RIMS1: variants seen among roughly 807,000 people sequenced by gnomAD.
RIMS1 encodes the protein regulating synaptic membrane exocytosis protein 1.
A neutral mutation model predicts 214.1 loss-of-function variants in RIMS1; 83 were observed. The observed-to-expected ratio is 0.39, with a 90% confidence interval of 0.32 to 0.47. The LOEUF (loss-of-function observed/expected upper bound fraction) is 0.47. Among genes scored for constraint, RIMS1 ranks in the 20% least tolerant of loss-of-function variants. The probability of loss-of-function intolerance (pLI) is 0.99; values close to 1 mark genes in which losing one functional copy is unlikely to be tolerated. For synonymous variants in RIMS1, 793 were observed against 786.8 expected, an observed-to-expected ratio of 1.01 and a Z score of -0.13; for missense variants, 2,050 against 2,161.8, an observed-to-expected ratio of 0.95 and a Z score of 1.03.
At chr6:72,394,448 A>G (rs184485023) in intron 31 of RIMS1, among the ~76,000 whole-genome samples, 1 of 152,268 alleles carries the variant, frequency 6.6e-6, no homozygotes, top group Admixed American at 6.5e-5. Flanking sequence ...AGAAATTGTC[A>G]AGTATGTAGT....
At chr6:72,066,947 C>A (rs2152280287) in intron 2 of RIMS1, among the ~76,000 whole-genome samples, 1 of 152,254 alleles carries the variant, frequency 6.6e-6, no homozygotes, top group East Asian at 1.9e-4. Flanking sequence ...TCTGTGAGCT[C>A]TACCTTCAAA....
intron 2 of RIMS1, among the ~76,000 whole-genome samples, chr6:71,980,224 G>A (rs925898494): frequency 6.6e-6 from 1 of 151,984 alleles, no homozygotes; most frequent in East Asian, 1.9e-4. Context: ...AACTGAGATC[G>A]GTACCCACTG....
chr6:72,280,395 C>A lies in RIMS1; in HGVS notation c.3483-3652C>A, dbSNP rs867396466. 4.2e-4 allele frequency among the ~76,000 whole-genome samples: 64 copies of A among 152,004 alleles called. 1 individual carries two copies. Among genetic ancestry groups the A allele is most frequent in the African/African-American group, 1.5e-3 (61 of 41,536 alleles). On this transcript the variant is annotated intron_variant, in intron 23 of 33. Coordinates refer to ENST00000521978, the MANE Select transcript of RIMS1 (RefSeq NM_014989.7). ...CCTTTCCTATTTTATATATCTCAATCCAATTTATTCTAAGACATGGCTGTG... is the reference window on the plus strand; with the variant it reads ...CCTTTCCTATTTTATATATCTCAATACAATTTATTCTAAGACATGGCTGTG...
intron 1 of RIMS1, among the ~76,000 whole-genome samples, chr6:71,942,926 A>G (rs1436466749): frequency 1.3e-5 from 2 of 152,096 alleles, no homozygotes; most frequent in African/African-American, 4.8e-5. Context: ...ACTAACCATA[A>G]GTATTTAACG....
chr6:72,052,684 G>C (rs1046339632), intron 2 of RIMS1, among the ~76,000 whole-genome samples: 2 of 152,118 alleles, frequency 1.3e-5, no homozygotes, highest in Non-Finnish European at 2.9e-5. Flanking sequence ...AATAATATGA[G>C]ATTTACTGAG....
intron 6 of RIMS1, among the ~76,000 whole-genome samples, chr6:72,229,166 G>A (rs561376038): frequency 1.3e-5 from 2 of 151,896 alleles, no homozygotes; most frequent in East Asian, 3.9e-4. Context: ...TGGGCCTTGA[G>A]CTCAAGGGAC....
rs548562923 is a variant in RIMS1, at chr6:72,291,228, T to C, written c.3737+367T>C. The stretch of plus-strand genomic sequence containing the variant: ...GCATAAGAGGAAATTTTAAAAATCT[T>C]TTATATGTGTTCAGTAAAGTGTTAA... On this transcript the variant is annotated intron_variant, in intron 25 of 33. Coordinates refer to ENST00000521978, the MANE Select transcript of RIMS1 (RefSeq NM_014989.7). Among the ~76,000 whole-genome samples the C allele has an allele frequency of 2.0e-5, 3 of 152,256 alleles. No homozygotes were observed. The East Asian group carries it at 5.8e-4, about 29-fold the overall frequency.
At chr6:72,062,527 A>G (rs553079804) in intron 2 of RIMS1, among the ~76,000 whole-genome samples, 45 of 152,204 alleles carry the variant, frequency 3.0e-4, no homozygotes, top group Non-Finnish European at 6.3e-4. Context: ...CATTTTAGTT[A>G]AGCAGACTCT....
At chr6:72,032,229 C>T (rs1320659233) in intron 2 of RIMS1, among the ~76,000 whole-genome samples, 2 of 151,798 alleles carry the variant, frequency 1.3e-5, no homozygotes, top group Non-Finnish European at 2.9e-5. Context: ...CAATGAATCA[C>T]CCGTAATTAA....
chr6:71,889,465 G>C (rs1768929612), intron 1 of RIMS1, among the ~76,000 whole-genome samples: 1 of 152,144 alleles, frequency 6.6e-6, no homozygotes, highest in Non-Finnish European at 1.5e-5. Flanking sequence ...AAATATCACT[G>C]TATATGATGC....
chr6:72,068,276 A>C (rs1348323215), intron 2 of RIMS1, among the ~76,000 whole-genome samples: 2 of 152,182 alleles, frequency 1.3e-5, no homozygotes, highest in African/African-American at 4.8e-5. Context: ...TTTTTCTGTT[A>C]ACCTTTGTAG....
At chr6:72,014,582 GT>G (rs1243219571) in intron 2 of RIMS1, among the ~76,000 whole-genome samples, 3 of 152,086 alleles carry the variant, frequency 2.0e-5, no homozygotes, top group Non-Finnish European at 4.4e-5. Context: ...TCATGTATAG[GT>G]TTTTGTGTAG....
chr6:72,119,705 C>T (rs1210470418), intron 4 of RIMS1, among the ~76,000 whole-genome samples: 1 of 151,520 alleles, frequency 6.6e-6, no homozygotes, highest in African/African-American at 2.4e-5. Context: ...GCACAATGTG[C>T]AGGTTTGTTA....
chr6:72,243,468 A>T (rs889911798), intron 10 of RIMS1, among the ~76,000 whole-genome samples: 2 of 151,806 alleles, frequency 1.3e-5, no homozygotes, highest in African/African-American at 4.8e-5. Flanking sequence ...GTACATTTCC[A>T]TGTAGATTTT....
At chr6:71,914,841 C>T (rs992847370) in intron 1 of RIMS1, among the ~76,000 whole-genome samples, 24 of 152,064 alleles carry the variant, frequency 1.6e-4, no homozygotes, top group African/African-American at 5.1e-4. Flanking sequence ...TGTTAAGAAA[C>T]AAAACATGCT....
intron 1 of RIMS1, among the ~76,000 whole-genome samples, chr6:71,950,037 G>A (rs895567243): frequency 6.6e-6 from 1 of 152,086 alleles, no homozygotes; most frequent in African/African-American, 2.4e-5. Context: ...AAAGAAAAAG[G>A]AACCAACTAC....
At chr6:71,947,680 A>G (rs1165140629) in intron 1 of RIMS1, among the ~76,000 whole-genome samples, 3 of 152,110 alleles carry the variant, frequency 2.0e-5, no homozygotes, top group East Asian at 3.8e-4. Context: ...AATATTGCTA[A>G]AAGTAGATTT....
At position 71,890,965 on chromosome 6, in the gene RIMS1, C is replaced by G. The variant is rs148678188; in HGVS notation, c.164+3778C>G. 1.2e-3 allele frequency among the ~76,000 whole-genome samples: 177 copies of G among 152,264 alleles called. 1 individual carries two copies. Among genetic ancestry groups the G allele is most frequent in the African/African-American group, 4.2e-3 (173 of 41,560 alleles). ...AAAATCAGACCTTTTAGTCTAAATC[C>G]AAGTATTTTCCCGTACACTACACTG... On this transcript the variant is annotated intron_variant, in intron 1 of 33. Transcript: ENST00000521978.
chr6:72,360,681 A>G (rs753589887), intron 29 of RIMS1, among the ~76,000 whole-genome samples: 4 of 149,244 alleles, frequency 2.7e-5, no homozygotes. Flanking sequence ...TATATTTAAT[A>G]TATTCTATAC....
Sources: gnomAD v4.1 joint callset for allele counts (sites outside exome capture counted in the v4.1 genomes callset) on GRCh38, gnomAD v4.1.1 for gene constraint, MANE v1.5 for transcripts, NCBI Gene and HGNC (gene_info 2026-07-23, HGNC 2026-07-21) for gene names.